The following SLAMF1 variants were observed in gnomAD, a reference collection of about 807,000 sequenced individuals.
SLAMF1 encodes the protein signaling lymphocytic activation molecule.
Under a neutral mutation model 35.1 loss-of-function variants are expected in SLAMF1, and 18 were observed. The observed-to-expected ratio is 0.51, with a 90% CI of 0.35 to 0.76. The LOEUF (loss-of-function observed/expected upper bound fraction) is 0.76. Among genes scored for constraint, SLAMF1 ranks in the 30% least tolerant of loss-of-function variants. The pLI is 0.01. For missense variants in SLAMF1, 392 were observed against 413.0 expected, an observed-to-expected ratio of 0.95 and a Z score of 0.44; for synonymous variants, 168 against 157.2, an observed-to-expected ratio of 1.07 and a Z score of -0.51.
intron 3 of SLAMF1, among the ~76,000 whole-genome samples, chr1:160,630,417 A>G (rs966359222): frequency 1.3e-5 from 2 of 152,224 alleles, no homozygotes; most frequent in African/African-American, 4.8e-5. Flanking sequence ...GTCAAGATTC[A>G]GTGCTCACAT....
intron 4 of SLAMF1, chr1:160,623,674 C>T (rs764596921): frequency 1.7e-4 from 69 of 399,722 alleles, no homozygotes; most frequent in Non-Finnish European, 2.7e-4. Context: ...ACTTCAACTG[C>T]AGGGGAATAA....
At chr1:160,646,195 A>T (rs1661031385) in intron 1 of SLAMF1, among the ~76,000 whole-genome samples, 1 of 152,124 alleles carries the variant, frequency 6.6e-6, no homozygotes, top group Non-Finnish European at 1.5e-5. Flanking sequence ...TTCCTGCTGG[A>T]GCTACTCTCT....
intron 5 of SLAMF1, among the ~76,000 whole-genome samples, chr1:160,615,113 T>C (rs1570965997): frequency 6.6e-6 from 1 of 152,160 alleles, no homozygotes; most frequent in East Asian, 1.9e-4. Context: ...AAAGGCATTG[T>C]TAGTTTTTAA....
intron 6 of SLAMF1, among the ~76,000 whole-genome samples, chr1:160,612,192 C>T (rs767686249): frequency 5.9e-5 from 9 of 151,784 alleles, no homozygotes; most frequent in Non-Finnish European, 1.2e-4. Flanking sequence ...TGTGGCCTCC[C>T]TTCCCCAGTC....
intron 3 of SLAMF1, among the ~76,000 whole-genome samples, chr1:160,626,720 C>A (rs1258399964): frequency 6.6e-6 from 1 of 152,104 alleles, no homozygotes; most frequent in Non-Finnish European, 1.5e-5. Flanking sequence ...ATGCGGTCCC[C>A]ATAAAGAAGG....
intron 4 of SLAMF1, 61 bp downstream of exon 4, chr1:160,624,035 G>C: frequency 1.6e-6 from 2 of 1,213,250 alleles, no homozygotes; most frequent in Non-Finnish European, 2.4e-6. Context: ...AGCCTGTGGA[G>C]AGAGGTCCCC....
chr1:160,610,409 T>C lies in SLAMF1; in HGVS notation c.*339A>G. ...TCAGATGTCCTGGCTTTCAGTCTGA[T>C]TTTTATTATCCAGTTCCAGCCAAGA... On this transcript the variant is annotated 3_prime_UTR_variant, in exon 7 of 7. Transcript: ENST00000302035. 2.1e-6 allele frequency: 1 copy of C among 474,438 alleles called. No individual in the cohort carries two copies. The highest frequency in any genetic ancestry group is 4.2e-6 in the Non-Finnish European group (1 of 239,124). 29.4% of individuals were successfully genotyped at this position (474,438 alleles called of 1,614,324 possible). A position where few individuals can be genotyped will look rare whatever the true frequency, so the allele number is the denominator to read the frequency against.
chr1:160,631,184 G>A (rs755728793), intron 3 of SLAMF1, among the ~76,000 whole-genome samples: 28 of 152,150 alleles, frequency 1.8e-4, no homozygotes, highest in Non-Finnish European at 2.9e-4. Context: ...TTATTCATGC[G>A]CAAACACAAA....
At chr1:160,617,390 T>G (rs186599040) in intron 5 of SLAMF1, among the ~76,000 whole-genome samples, 9 of 152,308 alleles carry the variant, frequency 5.9e-5, no homozygotes, top group Non-Finnish European at 1.0e-4. Flanking sequence ...CAGCTGCAAC[T>G]TTCATAATAG....
intron 3 of SLAMF1, 40 bp from the exon 4 acceptor site, chr1:160,624,225 T>A: frequency 7.2e-7 from 1 of 1,390,282 alleles, no homozygotes; most frequent in East Asian, 2.3e-5. Flanking sequence ...CTCAAAAGTA[T>A]TCTGAGCTTA....
intron 5 of SLAMF1, among the ~76,000 whole-genome samples, chr1:160,618,949 C>G (rs1277303175): frequency 1.3e-5 from 2 of 152,128 alleles, no homozygotes; most frequent in African/African-American, 2.4e-5. Flanking sequence ...CACTAGGGGA[C>G]AGCAGAAATA....
chr1:160,625,245 G>A (rs906968087), intron 3 of SLAMF1, among the ~76,000 whole-genome samples: 1 of 152,170 alleles, frequency 6.6e-6, no homozygotes, highest in South Asian at 2.1e-4. Flanking sequence ...TTCGCACTAA[G>A]GTTCTAAATA....
At chr1:160,611,086 A>G (rs1374325434) in intron 6 of SLAMF1, among the ~76,000 whole-genome samples, 1 of 152,202 alleles carries the variant, frequency 6.6e-6, no homozygotes, top group Non-Finnish European at 1.5e-5. Context: ...CTCCCCTTCC[A>G]TCCCCTTGTA....
intron 5 of SLAMF1, among the ~76,000 whole-genome samples, chr1:160,613,434 T>C (rs1300853862): frequency 6.6e-6 from 1 of 152,240 alleles, no homozygotes; most frequent in Non-Finnish European, 1.5e-5. Context: ...TTGTTGATGT[T>C]ACTTTGAACG....
chr1:160,644,896 T>C (rs187680157), intron 1 of SLAMF1, among the ~76,000 whole-genome samples: 1 of 152,232 alleles, frequency 6.6e-6, no homozygotes, highest in East Asian at 1.9e-4. Context: ...GCAGAGGAAC[T>C]GCATGGAGGA....
At chr1:160,616,196 T>C (rs1659291950) in intron 5 of SLAMF1, among the ~76,000 whole-genome samples, 1 of 152,208 alleles carries the variant, frequency 6.6e-6, no homozygotes, top group African/African-American at 2.4e-5. Context: ...TTTACCGTGA[T>C]GTGGGTATTA....
chr1:160,635,460 A>G (rs1224286794), intron 2 of SLAMF1, among the ~76,000 whole-genome samples: 1 of 152,196 alleles, frequency 6.6e-6, no homozygotes, highest in Non-Finnish European at 1.5e-5. Flanking sequence ...CATAGGCCTC[A>G]TCAATCTATC....
Position 160,609,790 on chromosome 1 carries a change from A to C in SLAMF1, c.*958T>G, listed in dbSNP as rs1357497947. On this transcript the variant is annotated 3_prime_UTR_variant, in exon 7 of 7. Transcript: ENST00000302035. ...GGTATGCAGGGAGTAGAAAGTGCCT[A>C]GGAAAGACCTTGACCTGCAATACCC... 6.5e-6 allele frequency: 1 copy of C among 152,804 alleles called. No homozygotes were observed. The highest frequency in any genetic ancestry group is 1.5e-5 in the Non-Finnish European group (1 of 68,526). The allele number at this position is 152,804 out of a possible 1,614,324, so 9.5% of individuals were successfully genotyped here. A position where few individuals can be genotyped will look rare whatever the true frequency, so the allele number is the denominator to read the frequency against.
chr1:160,622,552 ATCTG>A (rs1261881823), intron 4 of SLAMF1, among the ~76,000 whole-genome samples: 2 of 152,124 alleles, frequency 1.3e-5, no homozygotes, highest in Non-Finnish European at 2.9e-5. Context: ...ACACTAAGAG[ATCTG>A]TCTATCTGTC....
Sources: allele counts gnomAD v4.1 joint callset (sites outside exome capture counted in the v4.1 genomes callset), GRCh38; gene constraint gnomAD v4.1.1; transcripts MANE v1.5; gene names NCBI Gene and HGNC (gene_info 2026-07-23, HGNC 2026-07-21).